Variants in TCF20 observed in about 807,000 individuals in gnomAD.
TCF20 encodes transcription factor 20, also known as SPRE-binding protein.
Under a neutral mutation model 148.6 loss-of-function variants are expected in TCF20, and 3 were observed. That is an observed-to-expected ratio of 0.02 (90% confidence interval 0.01 to 0.05). TCF20 has a LOEUF of 0.05. TCF20 is among the 10% of genes least tolerant of loss of function. The pLI is 1.00. For synonymous variants in TCF20, 1,049 were observed against 909.5 expected, an observed-to-expected ratio of 1.15 and a Z score of -2.76; for missense variants, 2,350 against 2,429.3, an observed-to-expected ratio of 0.97 and a Z score of 0.69.
intron 3 of TCF20, among the ~76,000 whole-genome samples, chr22:42,174,309 A>G (rs537899374): frequency 6.6e-6 from 1 of 152,316 alleles, no homozygotes; most frequent in South Asian, 2.1e-4. Context: ...GCTGAGCTAG[A>G]GCGTTTCCAT....
chr22:42,339,184 G>A (rs906088498), intron 1 of TCF20, among the ~76,000 whole-genome samples: 1 of 152,178 alleles, frequency 6.6e-6, no homozygotes, highest in African/African-American at 2.4e-5. Context: ...TCCTGGCCTA[G>A]CGCTCGTCCT....
At chr22:42,195,891 T>C (rs534703642) in intron 2 of TCF20, among the ~76,000 whole-genome samples, 2 of 152,288 alleles carry the variant, frequency 1.3e-5, no homozygotes, top group South Asian at 4.1e-4. Context: ...ACGTGTCTCT[T>C]AAAGAACCTG....
chr22:42,179,810 AGAG>A, intron 2 of TCF20, 108 bp from the exon 3 acceptor site: 1 of 736,204 alleles, frequency 1.4e-6, no homozygotes, highest in Non-Finnish European at 2.4e-6. Context: ...CTCTGTGGTT[AGAG>A]GAGTCCGTGG....
intron 1 of TCF20, among the ~76,000 whole-genome samples, chr22:42,314,430 G>T (rs1315588562): frequency 6.6e-6 from 1 of 152,282 alleles, no homozygotes; most frequent in East Asian, 1.9e-4. Context: ...CACATCGCAG[G>T]CCCTCGGAGG....
chr22:42,234,846 A>T (rs996450870), intron 1 of TCF20, among the ~76,000 whole-genome samples: 1 of 152,198 alleles, frequency 6.6e-6, no homozygotes, highest in African/African-American at 2.4e-5. Flanking sequence ...TTTCGGTAGC[A>T]TAAGAACTTT....
At chr22:42,304,996 T>A (rs1185450561) in intron 1 of TCF20, among the ~76,000 whole-genome samples, 1 of 151,966 alleles carries the variant, frequency 6.6e-6, no homozygotes, top group Non-Finnish European at 1.5e-5. Context: ...AACCAGGAAA[T>A]AGGCTCAGAG....
intron 2 of TCF20, among the ~76,000 whole-genome samples, chr22:42,188,335 C>T (rs1039792157): frequency 1.4e-5 from 2 of 139,622 alleles, no homozygotes; most frequent in African/African-American, 2.6e-5. Flanking sequence ...GATTCTCACC[C>T]GTGAGCTGTG....
intron 4 of TCF20, among the ~76,000 whole-genome samples, chr22:42,169,390 G>A (rs1410735455): frequency 1.3e-5 from 2 of 152,010 alleles, no homozygotes; most frequent in African/African-American, 4.8e-5. Flanking sequence ...GGCTGCTTCT[G>A]CAGAAGCACA....
At chr22:42,322,010 G>T (rs1418159618) in intron 1 of TCF20, among the ~76,000 whole-genome samples, 1 of 151,344 alleles carries the variant, frequency 6.6e-6, no homozygotes, top group Non-Finnish European at 1.5e-5. Flanking sequence ...CACAGGCCTG[G>T]GACAATGAGA....
chr22:42,275,617 G>C (rs1315350773), upstream of TCF20, among the ~76,000 whole-genome samples: 1 of 152,178 alleles, frequency 6.6e-6, no homozygotes, highest in African/African-American at 2.4e-5. Flanking sequence ...GCCCTTACCT[G>C]AGTGATCCCA....
chr22:42,335,762 A>T (rs1928055435), intron 1 of TCF20, among the ~76,000 whole-genome samples: 1 of 152,080 alleles, frequency 6.6e-6, no homozygotes, highest in Non-Finnish European at 1.5e-5. Flanking sequence ...GAGACTAGGG[A>T]GCCAGTAGGG....
intron 1 of TCF20, among the ~76,000 whole-genome samples, chr22:42,281,762 G>A (rs956296258): frequency 6.6e-6 from 1 of 152,252 alleles, no homozygotes; most frequent in Non-Finnish European, 1.5e-5. Context: ...CATGGGGAGA[G>A]GGCAGCTGTT....
rs1314199320 is a variant in TCF20, at chr22:42,299,125, A to G, written c.-37+44354T>C. 6.6e-6 allele frequency among the ~76,000 whole-genome samples: 1 copy of G among 152,040 alleles called. No individual in the cohort carries two copies. Among genetic ancestry groups the G allele is most frequent in the Non-Finnish European group, 1.5e-5 (1 of 67,998 alleles). The stretch of plus-strand genomic sequence containing the variant: ...GAGGGGAACGGAGACCTGGAGGGGT[A>G]CCCCCAAAAATCTGGACTTGGCCCT... On this transcript the variant is annotated intron_variant, in intron 1 of 1. Coordinates refer to the TCF20 transcript ENST00000515426. The surrounding 1 kb of genome is among the most constrained non-coding windows in gnomAD (Gnocchi z 4.1).
intron 1 of TCF20, among the ~76,000 whole-genome samples, chr22:42,233,878 A>C (rs1923647235): frequency 6.6e-6 from 1 of 152,222 alleles, no homozygotes; most frequent in South Asian, 2.1e-4. Context: ...GGCTTTACAT[A>C]ATAAATCCCA....
At position 42,160,336 on chromosome 22, in the gene TCF20, T is replaced by C. The variant is rs1384584238; in HGVS notation, c.*1067A>G. On this transcript the variant is annotated 3_prime_UTR_variant, in exon 6 of 6. Coordinates refer to ENST00000677622, the MANE Select transcript of TCF20 (RefSeq NM_001378418.1). Reference sequence around the variant, plus strand: ...AAAAGAAAAAGGGGTTAAATGGGTGTTCCTGGTCAGCTTAACCCACTCTGA... The same window carrying C: ...AAAAGAAAAAGGGGTTAAATGGGTGCTCCTGGTCAGCTTAACCCACTCTGA... 2.6e-5 allele frequency: 4 copies of C among 152,642 alleles called. No homozygotes were observed. Among genetic ancestry groups the C allele is most frequent in the African/African-American group, 9.6e-5 (4 of 41,458 alleles). The allele number at this position is 152,642 out of a possible 1,614,324, so 9.5% of individuals were successfully genotyped here. A position where few individuals can be genotyped will look rare whatever the true frequency, so the allele number is the denominator to read the frequency against.
intron 1 of TCF20, among the ~76,000 whole-genome samples, chr22:42,305,146 AAC>A: frequency 6.6e-6 from 1 of 152,174 alleles, no homozygotes; most frequent in Non-Finnish European, 1.5e-5. Context: ...CAGCACTGCA[AAC>A]ACAACCTGAG....
intron 5 of TCF20, among the ~76,000 whole-genome samples, chr22:42,166,079 G>A (rs536166460): frequency 2.0e-4 from 31 of 152,256 alleles, no homozygotes; most frequent in Non-Finnish European, 3.5e-4. Context: ...AATGAAGGAC[G>A]GTGACCACCC....
intron 1 of TCF20, among the ~76,000 whole-genome samples, chr22:42,310,302 C>G (rs909906082): frequency 1.3e-5 from 2 of 152,130 alleles, no homozygotes; most frequent in Admixed American, 6.5e-5. Flanking sequence ...TAAGGGCCTA[C>G]TATGTGCCAG....
At chr22:42,267,597 A>C (rs1926356543) in intron 1 of TCF20, among the ~76,000 whole-genome samples, 1 of 152,112 alleles carries the variant, frequency 6.6e-6, no homozygotes, top group African/African-American at 2.4e-5. Context: ...GCTACTCAGG[A>C]GGCTGAGGTG....
Sources: allele counts gnomAD v4.1 joint callset (sites outside exome capture counted in the v4.1 genomes callset), GRCh38; gene constraint gnomAD v4.1.1; non-coding constraint Gnocchi (gnomAD v3.1); transcripts MANE v1.5; gene names NCBI Gene and HGNC (gene_info 2026-07-23, HGNC 2026-07-21).